Variants in PC observed in about 807,000 individuals in gnomAD.
The protein encoded by PC is pyruvate carboxylase, mitochondrial.
In PC, 46 loss-of-function variants were observed where a neutral mutation model predicts 107.8. The observed-to-expected ratio is 0.43, with a 90% CI of 0.34 to 0.55. The LOEUF is 0.55. Ranked by LOEUF, PC falls within the 20% of genes least tolerant of loss-of-function variation. The pLI is 0.04. For synonymous variants in PC, 662 were observed against 684.7 expected (o/e 0.97, Z 0.52); for missense variants, 1,241 against 1,643.1 (o/e 0.76, Z 4.23).
chr11:66,915,620 T>C (rs1591277706), intron 3 of PC, among the ~76,000 whole-genome samples: 1 of 152,056 alleles, frequency 6.6e-6, no homozygotes, highest in Non-Finnish European at 1.5e-5. Flanking sequence ...GCTCCAGGGG[T>C]GATTCTGCTC....
intron 3 of PC, among the ~76,000 whole-genome samples, chr11:66,894,752 T>C (rs1469940157): frequency 6.6e-6 from 1 of 152,212 alleles, no homozygotes; most frequent in East Asian, 1.9e-4. Flanking sequence ...CTGGGCACAG[T>C]GGCTCGCACC....
rs568932527 is a variant in PC, at chr11:66,858,953, G to A, written c.1368+4821C>T. The A allele has an allele frequency of 1.6e-5, 26 of 1,577,760 alleles. No individual in the cohort carries two copies. In the South Asian group the frequency reaches 2.4e-4, roughly 15 times the overall value. ...CTGCTGCCGAGGGTGAGGGGACGCTGGAGTCTGAGCCAGCCGTGCAGGTGA... is the reference window on the plus strand; with the variant it reads ...CTGCTGCCGAGGGTGAGGGGACGCTAGAGTCTGAGCCAGCCGTGCAGGTGA... On this transcript the variant is annotated intron_variant, in intron 12 of 22. Transcript: ENST00000393960. The surrounding 1 kb of genome is among the most constrained non-coding windows in gnomAD (Gnocchi z 5.9).
chr11:66,954,717 G>A (rs1266709498), intron 1 of PC, among the ~76,000 whole-genome samples: 1 of 152,214 alleles, frequency 6.6e-6, no homozygotes, highest in African/African-American at 2.4e-5. Flanking sequence ...GGCCAAGGCA[G>A]GTGATCACCT....
intron 12 of PC, among the ~76,000 whole-genome samples, chr11:66,863,556 CAGGGACT>C (rs1667369629): frequency 1.3e-5 from 2 of 152,224 alleles, no homozygotes; most frequent in African/African-American, 4.8e-5. Context: ...AGGCCACTGC[CAGGGACT>C]CTGGCAGCGG....
At chr11:66,932,279 T>C (rs1368361766) in intron 3 of PC, among the ~76,000 whole-genome samples, 1 of 152,178 alleles carries the variant, frequency 6.6e-6, no homozygotes, top group Non-Finnish European at 1.5e-5. Context: ...GGTAACCTGC[T>C]AGAAGACTAT....
intron 3 of PC, among the ~76,000 whole-genome samples, chr11:66,925,595 C>A (rs1948697937): frequency 1.3e-5 from 2 of 152,118 alleles, no homozygotes. Flanking sequence ...AACACACATG[C>A]TCTACAAACA....
chr11:66,872,186 T>C (rs1946765237), intron 3 of PC, 27 bp from the exon 4 acceptor site: 1 of 1,567,056 alleles, frequency 6.4e-7, no homozygotes, highest in Admixed American at 1.9e-5. Context: ...GAGCCCAGGT[T>C]AGCGCAGCCT....
intron 3 of PC, among the ~76,000 whole-genome samples, chr11:66,912,539 T>C (rs1324323883): frequency 1.3e-5 from 2 of 152,202 alleles, no homozygotes; most frequent in African/African-American, 4.8e-5. Flanking sequence ...CAGCGCTGTG[T>C]GACTGACAGC....
At chr11:66,912,088 C>T (rs1265452512) in intron 3 of PC, among the ~76,000 whole-genome samples, 1 of 152,090 alleles carries the variant, frequency 6.6e-6, no homozygotes, top group East Asian at 1.9e-4. Context: ...AAAAGACCCT[C>T]AAAAGAAATT....
At chr11:66,869,096 C>A (rs1464791479) in intron 9 of PC, 132 bp from the exon 10 acceptor site, 6 of 697,552 alleles carry the variant, frequency 8.6e-6, no homozygotes, top group Non-Finnish European at 1.5e-5. Context: ...AAACCCTGCC[C>A]CCACAGATGG....
intron 3 of PC, among the ~76,000 whole-genome samples, chr11:66,883,066 G>A (rs1454766395): frequency 1.3e-5 from 2 of 152,212 alleles, no homozygotes; most frequent in Non-Finnish European, 1.5e-5. Context: ...CCCCAGGAGC[G>A]CCGGCTGCTC....
In PC at chr11:66,870,585, C is replaced by A; in HGVS notation, c.752-132G>T. The A allele has an allele frequency of 8.7e-7, 1 of 1,155,636 alleles. No individual in the cohort carries two copies. The highest frequency in any genetic ancestry group is 1.3e-6 in the Non-Finnish European group (1 of 787,274). 71.6% of individuals were successfully genotyped at this position (1,155,636 alleles called of 1,614,324 possible). ...GCGGTACAGAGGCTGCCAGGAGAGA[C>A]ACCAGCATCACCAAGGCTGTGAGGA... is the stretch of plus-strand genomic sequence containing the variant. On this transcript the variant is annotated intron_variant, in intron 8 of 22. Coordinates refer to ENST00000393960, the MANE Select transcript of PC (RefSeq NM_001040716.2). This position sits in a 1 kb window ranked among gnomAD's most constrained non-coding sequence, Gnocchi z 6.1.
chr11:66,928,540 T>A (rs1219506180), intron 3 of PC, among the ~76,000 whole-genome samples: 2 of 151,990 alleles, frequency 1.3e-5, no homozygotes, highest in Admixed American at 6.6e-5. Context: ...TATTATTATT[T>A]TTGAGACAGA....
Position 66,866,501 on chromosome 11 carries a change from C to T in PC, c.1023-152G>A. On this transcript the variant is annotated intron_variant, in intron 10 of 22. Coordinates refer to ENST00000393960, the MANE Select transcript of PC (RefSeq NM_001040716.2). This position sits in a 1 kb window ranked among gnomAD's most constrained non-coding sequence, Gnocchi z 5.4. ...GGGCCAGCCTGAACAGCCGGTTCCT[C>T]CCAACCAGTGGCTCCACCAGCCCCT... 1.5e-6 allele frequency: 1 copy of T among 646,176 alleles called. No individual in the cohort carries two copies. The allele number at this position is 646,176 out of a possible 1,614,324, so 40.0% of individuals were successfully genotyped here.
chr11:66,933,253 C>T (rs1948907254), intron 3 of PC, among the ~76,000 whole-genome samples: 1 of 152,112 alleles, frequency 6.6e-6, no homozygotes, highest in Non-Finnish European at 1.5e-5. Flanking sequence ...CTGTCTCACC[C>T]AGAAACCGTC....
rs889047866 is a variant in PC at position 66,849,217 on chromosome 11, G to A, written c.3288+13C>T. 5 of 1,613,692 alleles carry A rather than the reference G, an allele frequency of 3.1e-6. No homozygotes were observed. The highest frequency in any genetic ancestry group is 1.7e-6 in the Non-Finnish European group (2 of 1,180,052). ...AAGCCCCACCGCCTGGCTGGCCCTG[G>A]GGGAGACAATACCTTCATGGCCTGG... On this transcript the variant is annotated intron_variant, in intron 22 of 22. Transcript: ENST00000393960.
chr11:66,859,725 G>T, intron 12 of PC: 1 of 1,611,204 alleles, frequency 6.2e-7, no homozygotes, highest in Non-Finnish European at 8.5e-7. Flanking sequence ...CTTGTCACCG[G>T]CCGCTGGGCC....
intron 3 of PC, among the ~76,000 whole-genome samples, chr11:66,876,619 A>G (rs552899849): frequency 2.0e-5 from 3 of 152,304 alleles, no homozygotes; most frequent in Non-Finnish European, 2.9e-5. Context: ...TCACCCTGCT[A>G]TCTCCCACAT....
Position 66,954,422 on chromosome 11 carries a change from G to T in PC, c.-213C>A. On this transcript the variant is annotated 5_prime_UTR_variant, in exon 2 of 23. Transcript: ENST00000393960. Reference sequence around the variant, plus strand: ...CTCCTTTGGCAAAGTGTCCACAGGTGAGACTAGAAGGCAGCTAAGAGAAAG... The same window carrying T: ...CTCCTTTGGCAAAGTGTCCACAGGTTAGACTAGAAGGCAGCTAAGAGAAAG... 6.6e-6 allele frequency: 1 copy of T among 152,464 alleles called. No homozygotes were observed. The allele number at this position is 152,464 out of a possible 1,614,324, so 9.4% of individuals were successfully genotyped here.
Sources: allele counts gnomAD v4.1 joint callset (sites outside exome capture counted in the v4.1 genomes callset), GRCh38; gene constraint gnomAD v4.1.1; non-coding constraint Gnocchi (gnomAD v3.1); transcripts MANE v1.5; gene names NCBI Gene and HGNC (gene_info 2026-07-23, HGNC 2026-07-21).